The following KCTD16 variants were observed in gnomAD, a reference collection of about 807,000 sequenced individuals.
KCTD16 encodes the protein potassium channel tetramerization domain containing 16.
KCTD16 carries 13 observed loss-of-function variants against 33.2 expected under a neutral mutation model. The observed-to-expected ratio is 0.39, with a 90% CI of 0.25 to 0.62. The LOEUF (loss-of-function observed/expected upper bound fraction) is 0.62, where lower values mean the gene tolerates loss of function less well. KCTD16 is among the 20% of genes least tolerant of loss of function. The probability of loss-of-function intolerance (pLI) is 0.50; values close to 1 mark genes in which losing one functional copy is unlikely to be tolerated. For missense variants in KCTD16, 441 were observed against 525.1 expected, an observed-to-expected ratio of 0.84 and a Z score of 1.57; for synonymous variants, 197 against 195.3, an observed-to-expected ratio of 1.01 and a Z score of -0.07.
chr5:144,464,419 T>C (rs1429561783), intron 3 of KCTD16, among the ~76,000 whole-genome samples: 1 of 151,410 alleles, frequency 6.6e-6, no homozygotes, highest in Non-Finnish European at 1.5e-5. Flanking sequence ...TGGCAATATC[T>C]GGAGACATTT....
In KCTD16 at chr5:144,299,139, TA is replaced by T. The variant is rs1561558768; in HGVS notation, c.832+91594del. On this transcript the variant is annotated intron_variant, in intron 3 of 3. Coordinates refer to ENST00000512467, the MANE Select transcript of KCTD16 (RefSeq NM_020768.4). Reference sequence around the variant, plus strand: ...ATATATATATATATATATATATATATATATATATATTTTTTTTTTTTTTTTT... The same window carrying T: ...ATATATATATATATATATATATATATTATATATATTTTTTTTTTTTTTTTT... 2.4e-3 allele frequency among the ~76,000 whole-genome samples: 76 copies of T among 31,978 alleles called. 1 individual carries two copies. Among genetic ancestry groups the T allele is most frequent in the Non-Finnish European group, 3.1e-3 (64 of 20,946 alleles). The allele number at this position is 31,978 out of a possible 152,430, so 21.0% of individuals were successfully genotyped here.
chr5:144,343,329 T>G (rs1488094086), intron 3 of KCTD16, among the ~76,000 whole-genome samples: 1 of 151,946 alleles, frequency 6.6e-6, no homozygotes, highest in Non-Finnish European at 1.5e-5. Context: ...GTCGAGGAAT[T>G]TATCCATTTC....
intron 3 of KCTD16, among the ~76,000 whole-genome samples, chr5:144,455,908 C>A (rs1306975919): frequency 6.6e-6 from 1 of 152,088 alleles, no homozygotes; most frequent in Non-Finnish European, 1.5e-5. Flanking sequence ...ACACTGTGCC[C>A]AGTATTTGAA....
chr5:144,179,394 A>G (rs1265897662), intron 2 of KCTD16, among the ~76,000 whole-genome samples: 1 of 152,188 alleles, frequency 6.6e-6, no homozygotes, highest in East Asian at 1.9e-4. Flanking sequence ...TCCTCTAGAT[A>G]CTGTACACCA....
At chr5:144,238,416 T>C (rs1754312880) in intron 3 of KCTD16, among the ~76,000 whole-genome samples, 1 of 152,142 alleles carries the variant, frequency 6.6e-6, no homozygotes, top group Non-Finnish European at 1.5e-5. Context: ...GCCTTTCATT[T>C]AGGAGTATTA....
chr5:144,482,017 A>C lies in KCTD16; in HGVS notation c.*7903A>C, dbSNP rs1754712509. The C allele has an allele frequency of 6.6e-6, 1 of 151,964 alleles. No individual in the cohort carries two copies. Among genetic ancestry groups the C allele is most frequent in the African/African-American group, 2.4e-5 (1 of 41,400 alleles). The allele number at this position is 151,964 out of a possible 1,614,324, so 9.4% of individuals were successfully genotyped here. On this transcript the variant is annotated 3_prime_UTR_variant, in exon 4 of 4. Transcript: ENST00000512467. ...TGAGGTCAGTGAGGCTCAGAAAGAT[A>C]AAGTAGCACATAAAGGCTCATAGCT...
intron 3 of KCTD16, among the ~76,000 whole-genome samples, chr5:144,435,059 T>C (rs1753545272): frequency 6.6e-6 from 1 of 152,138 alleles, no homozygotes; most frequent in Admixed American, 6.6e-5. Flanking sequence ...AACCCGTGGG[T>C]CCATGGTTTT....
intron 3 of KCTD16, among the ~76,000 whole-genome samples, chr5:144,383,637 A>AT (rs879812933): frequency 2.4e-3 from 354 of 147,628 alleles, no homozygotes; most frequent in Middle Eastern, 0.018. Flanking sequence ...TTTTCAGGAG[A>AT]TTTTTTTTTT....
At chr5:144,299,359 C>T (rs1745890628) in intron 3 of KCTD16, among the ~76,000 whole-genome samples, 1 of 151,192 alleles carries the variant, frequency 6.6e-6, no homozygotes, top group Admixed American at 6.6e-5. Context: ...ATCAGAATAA[C>T]AACTTACGAC....
chr5:144,345,991 T>TC (rs1752790827), intron 3 of KCTD16, among the ~76,000 whole-genome samples: 1 of 147,800 alleles, frequency 6.8e-6, no homozygotes, highest in Non-Finnish European at 1.5e-5. Flanking sequence ...TACCTCCACC[T>TC]CCCCCCAAGT....
At chr5:144,443,517 T>C (rs1383437692) in intron 3 of KCTD16, among the ~76,000 whole-genome samples, 2 of 152,066 alleles carry the variant, frequency 1.3e-5, no homozygotes, top group Non-Finnish European at 2.9e-5. Flanking sequence ...GCTTCTCTTC[T>C]TTTACTATTG....
chr5:144,173,994 T>C (rs1752448436), intron 1 of KCTD16, among the ~76,000 whole-genome samples: 1 of 151,686 alleles, frequency 6.6e-6, no homozygotes, highest in African/African-American at 2.4e-5. Flanking sequence ...AAATGTGCCG[T>C]CCTCTGTTAA....
intron 3 of KCTD16, among the ~76,000 whole-genome samples, chr5:144,360,967 G>C (rs183620550): frequency 0.012 from 1,842 of 150,612 alleles, 31 homozygotes; most frequent in African/African-American, 0.042. Flanking sequence ...GGTTAGTTAC[G>C]TATGTATACA....
At chr5:144,239,716 T>C (rs1347221025) in intron 3 of KCTD16, among the ~76,000 whole-genome samples, 1 of 152,136 alleles carries the variant, frequency 6.6e-6, no homozygotes, top group Non-Finnish European at 1.5e-5. Flanking sequence ...AAGTATCTTA[T>C]AGTCTGATGA....
intron 3 of KCTD16, among the ~76,000 whole-genome samples, chr5:144,217,926 A>T (rs1230692522): frequency 2.0e-5 from 3 of 151,964 alleles, no homozygotes; most frequent in Non-Finnish European, 4.4e-5. Flanking sequence ...ACCTTCTTTA[A>T]TAGGCAGATT....
chr5:144,189,752 T>C (rs1244345944), intron 2 of KCTD16, among the ~76,000 whole-genome samples: 3 of 152,220 alleles, frequency 2.0e-5, no homozygotes, highest in Non-Finnish European at 4.4e-5. Context: ...CCAGCATTTT[T>C]CCTCTTTTCC....
intron 3 of KCTD16, among the ~76,000 whole-genome samples, chr5:144,245,805 A>G: frequency 6.6e-6 from 1 of 151,914 alleles, no homozygotes. Flanking sequence ...CTCCCCCTTC[A>G]CCTTCTGCCA....
chr5:144,298,960 G>A (rs1053210261), intron 3 of KCTD16, among the ~76,000 whole-genome samples: 2 of 144,860 alleles, frequency 1.4e-5, no homozygotes, highest in Non-Finnish European at 3.0e-5. Flanking sequence ...GCACAATAAA[G>A]TCTCGGGAAT....
chr5:144,182,050 A>C (rs1752636290), intron 2 of KCTD16, among the ~76,000 whole-genome samples: 1 of 150,178 alleles, frequency 6.7e-6, no homozygotes, highest in Non-Finnish European at 1.5e-5. Flanking sequence ...GCGCCACTGC[A>C]CTCTGGCCTG....
Sources: gnomAD v4.1 joint callset for allele counts (sites outside exome capture counted in the v4.1 genomes callset) on GRCh38, gnomAD v4.1.1 for gene constraint, MANE v1.5 for transcripts, NCBI Gene and HGNC (gene_info 2026-07-23, HGNC 2026-07-21) for gene names.